Variants in KIAA1217 observed in about 807,000 individuals in gnomAD.
The protein encoded by KIAA1217 is KIAA1217, also known as sickle tail protein homolog.
KIAA1217 carries 88 observed loss-of-function variants against 163.9 expected under a neutral mutation model. The observed-to-expected ratio is 0.54, with a 90% CI of 0.45 to 0.64. The LOEUF is 0.64. Among genes scored for constraint, KIAA1217 ranks in the 30% least tolerant of loss-of-function variants. The pLI is 0.00. For synonymous variants in KIAA1217, 903 were observed against 923.1 expected (o/e 0.98, Z 0.39); for missense variants, 2,372 against 2,475.0 (o/e 0.96, Z 0.88).
intron 2 of KIAA1217, among the ~76,000 whole-genome samples, chr10:24,009,856 G>A (rs1434556592): frequency 6.6e-6 from 1 of 152,064 alleles, no homozygotes; most frequent in Non-Finnish European, 1.5e-5. Context: ...TGGGAGATTC[G>A]CTCTCAAAGA....
chr10:24,189,268 T>A (rs936252568), intron 2 of KIAA1217, among the ~76,000 whole-genome samples: 2 of 152,080 alleles, frequency 1.3e-5, no homozygotes, highest in Non-Finnish European at 2.9e-5. Flanking sequence ...TCATTCAAAA[T>A]AGCTGTTGCT....
At chr10:24,139,268 T>C (rs2063957078) in intron 2 of KIAA1217, among the ~76,000 whole-genome samples, 1 of 152,172 alleles carries the variant, frequency 6.6e-6, no homozygotes, top group South Asian at 2.1e-4. Flanking sequence ...TTTAGGTATA[T>C]GCTATAACAT....
At chr10:24,208,401 G>A (rs900096078), upstream of KIAA1217, among the ~76,000 whole-genome samples, 1 of 148,230 alleles carries the variant, frequency 6.7e-6, no homozygotes. Flanking sequence ...GTGTGTGTGT[G>A]TAAGTGTGTT....
At chr10:24,235,370 C>G (rs2072089539) in intron 2 of KIAA1217, among the ~76,000 whole-genome samples, 1 of 152,140 alleles carries the variant, frequency 6.6e-6, no homozygotes, top group Non-Finnish European at 1.5e-5. Flanking sequence ...AAACACAGAG[C>G]CAAAGATCAA....
At chr10:24,205,078 G>A (rs1406830912), upstream of KIAA1217, among the ~76,000 whole-genome samples, 1 of 151,988 alleles carries the variant, frequency 6.6e-6, no homozygotes, top group Non-Finnish European at 1.5e-5. Context: ...TTCTTAATAG[G>A]ATTTAAAGTG....
intron 1 of KIAA1217, among the ~76,000 whole-genome samples, chr10:23,974,688 G>T (rs1845464047): frequency 2.0e-5 from 3 of 152,160 alleles, no homozygotes; most frequent in Non-Finnish European, 1.5e-5. Flanking sequence ...AATTGAGCCT[G>T]CTCAGCTCAT....
In KIAA1217 at chr10:24,473,611, TG is replaced by T; in HGVS notation, c.1232del (p.Gly411ValfsTer71). 1 of 1,614,180 alleles carries T rather than the reference TG, an allele frequency of 6.2e-7. No individual in the cohort carries two copies. Among genetic ancestry groups the T allele is most frequent in the South Asian group, 1.1e-5 (1 of 91,086 alleles). On this transcript the variant is annotated frameshift_variant, in exon 6 of 21. Transcript: ENST00000376454. LOFTEE classifies it high-confidence loss of function. ...EGRMSIASSH[G>X]GHPLDVPDHI... ...GACGGATGAGCATAGCCTCATCCCA[TG>T]GTGGACACCCACTGGATGTCCCCGA... is the stretch of plus-strand genomic sequence containing the variant.
chr10:23,740,913 G>A (rs930217753), intron 1 of KIAA1217, among the ~76,000 whole-genome samples: 15 of 152,252 alleles, frequency 9.9e-5, no homozygotes, highest in African/African-American at 3.6e-4. Context: ...GGGGGACAGA[G>A]CAAGACTCTG....
At chr10:24,209,054 T>A, upstream of KIAA1217, 1 of 647,102 alleles carries the variant, frequency 1.5e-6, no homozygotes, top group South Asian at 1.9e-5. Context: ...TGCACCGGAG[T>A]GGAAAATAGT....
At chr10:24,142,774 G>A (rs2064142764) in intron 2 of KIAA1217, among the ~76,000 whole-genome samples, 1 of 152,150 alleles carries the variant, frequency 6.6e-6, no homozygotes, top group South Asian at 2.1e-4. Context: ...ACCAAGAGCT[G>A]TTACTGAGAA....
At chr10:23,877,707 A>G (rs1588999045) in intron 1 of KIAA1217, among the ~76,000 whole-genome samples, 2 of 152,052 alleles carry the variant, frequency 1.3e-5, no homozygotes, top group East Asian at 1.9e-4. Context: ...ATAAATGTTC[A>G]CTCTCAAAAG....
At chr10:23,768,162 A>G (rs1834625549) in intron 1 of KIAA1217, among the ~76,000 whole-genome samples, 1 of 152,228 alleles carries the variant, frequency 6.6e-6, no homozygotes, top group Admixed American at 6.5e-5. Flanking sequence ...AGAGCTGGCC[A>G]ATACGATTTT....
chr10:23,976,775 G>T (rs762472483), intron 1 of KIAA1217, among the ~76,000 whole-genome samples: 5 of 152,210 alleles, frequency 3.3e-5, no homozygotes, highest in Non-Finnish European at 5.9e-5. Flanking sequence ...AAGGCACACA[G>T]ATTTTCTGTA....
At position 23,790,515 on chromosome 10, in the gene KIAA1217, G is replaced by A. The variant is rs867776628; in HGVS notation, c.-321+95281G>A. Among the ~76,000 whole-genome samples the A allele has an allele frequency of 2.9e-3, 288 of 101,008 alleles. 53 individuals carry two copies. The East Asian group carries it at 0.029, about 10-fold the overall frequency. The allele number at this position is 101,008 out of a possible 152,430, so 66.3% of individuals were successfully genotyped here. A position where few individuals can be genotyped will look rare whatever the true frequency, so the allele number is the denominator to read the frequency against. On this transcript the variant is annotated intron_variant, in intron 1 of 18. Coordinates refer to the KIAA1217 transcript ENST00000376462. ...TATATACATGTGCATATATACATAT[G>A]TATATATACATATATACATATACAT...
intron 2 of KIAA1217, among the ~76,000 whole-genome samples, chr10:24,082,861 A>G (rs2061583076): frequency 1.3e-5 from 2 of 152,348 alleles, no homozygotes; most frequent in South Asian, 2.1e-4. Flanking sequence ...CATTCCCACC[A>G]ACAGTGTAAA....
chr10:24,342,561 T>C (rs1042563060), intron 2 of KIAA1217, among the ~76,000 whole-genome samples: 3 of 152,116 alleles, frequency 2.0e-5, no homozygotes, highest in African/African-American at 7.2e-5. Context: ...TTATAAAAAT[T>C]ATAATAATCT....
At chr10:24,237,447 C>G (rs756301808) in intron 2 of KIAA1217, among the ~76,000 whole-genome samples, 1 of 152,160 alleles carries the variant, frequency 6.6e-6, no homozygotes, top group Non-Finnish European at 1.5e-5. Flanking sequence ...TCTCCATTTG[C>G]CTTTACATTC....
chr10:23,699,515 G>T (rs1243285427), intron 1 of KIAA1217, among the ~76,000 whole-genome samples: 1 of 152,186 alleles, frequency 6.6e-6, no homozygotes, highest in African/African-American at 2.4e-5. Flanking sequence ...TCCATAAAGT[G>T]AGCATGTGGA....
intron 1 of KIAA1217, among the ~76,000 whole-genome samples, chr10:23,957,592 C>T (rs749484764): frequency 6.6e-6 from 1 of 152,024 alleles, no homozygotes; most frequent in African/African-American, 2.4e-5. Flanking sequence ...GATGGTGGTA[C>T]GTGCCTGTAG....
Sources: allele counts gnomAD v4.1 joint callset (sites outside exome capture counted in the v4.1 genomes callset), GRCh38; gene constraint gnomAD v4.1.1; transcripts MANE v1.5; gene names NCBI Gene and HGNC (gene_info 2026-07-23, HGNC 2026-07-21).